G3BP2: variants seen among roughly 807,000 people sequenced by gnomAD.
G3BP2 encodes ras GTPase-activating protein-binding protein 2.
Under a neutral mutation model 56.7 loss-of-function variants are expected in G3BP2, and 11 were observed. The observed-to-expected ratio is 0.19, with a 90% CI of 0.12 to 0.32. The LOEUF (loss-of-function observed/expected upper bound fraction) is 0.32, where lower values mean the gene tolerates loss of function less well. G3BP2 is among the 10% of genes least tolerant of loss of function. The pLI, the probability that G3BP2 is intolerant of heterozygous loss-of-function variation, is 1.00. For missense variants in G3BP2, 340 were observed against 610.9 expected, an observed-to-expected ratio of 0.56 and a Z score of 4.67; for synonymous variants, 165 against 191.6, an observed-to-expected ratio of 0.86 and a Z score of 1.15.
chr4:75,720,782 C>T (rs991451254), intron 3 of G3BP2, among the ~76,000 whole-genome samples: 4 of 147,006 alleles, frequency 2.7e-5, no homozygotes, highest in African/African-American at 5.0e-5. Context: ...GGTGACAGAG[C>T]GAGGCTCCAT....
chr4:75,693,475 G>GT (rs888394327), intron 3 of G3BP2, among the ~76,000 whole-genome samples: 5 of 150,766 alleles, frequency 3.3e-5, no homozygotes, highest in South Asian at 2.1e-4. Context: ...AGGTATCTGA[G>GT]TTTTTTTTGT....
intron 3 of G3BP2, among the ~76,000 whole-genome samples, chr4:75,701,588 C>T (rs1719346972): frequency 6.6e-6 from 1 of 152,076 alleles, no homozygotes; most frequent in Admixed American, 6.6e-5. Flanking sequence ...ACCACCATGC[C>T]CGGCTAATTT....
chr4:75,682,764 G>A (rs1352692094), intron 3 of G3BP2, among the ~76,000 whole-genome samples: 4 of 151,364 alleles, frequency 2.6e-5, no homozygotes, highest in Admixed American at 1.3e-4. Flanking sequence ...GGCAGATCAC[G>A]AGGTCAGGAG....
chr4:75,684,453 A>C (rs914438649), intron 3 of G3BP2, among the ~76,000 whole-genome samples: 1 of 151,844 alleles, frequency 6.6e-6, no homozygotes, highest in Non-Finnish European at 1.5e-5. Flanking sequence ...CATAAATAAA[A>C]AAATAAAAAA....
At chr4:75,694,664 C>A in intron 3 of G3BP2, 1 of 505,218 alleles carries the variant, frequency 2.0e-6, no homozygotes, top group Non-Finnish European at 2.6e-6. Context: ...CTTGAATCCG[C>A]GAGGCGGCGG....
intron 1 of G3BP2, among the ~76,000 whole-genome samples, chr4:75,668,295 C>T (rs1733217712): frequency 6.6e-6 from 1 of 152,182 alleles, no homozygotes; most frequent in African/African-American, 2.4e-5. Context: ...ACTCTCCTTT[C>T]CTCAAACTTT....
chr4:75,692,668 G>A (rs1718914728), intron 3 of G3BP2, among the ~76,000 whole-genome samples: 1 of 152,164 alleles, frequency 6.6e-6, no homozygotes, highest in African/African-American at 2.4e-5. Context: ...CTGCTGAAAA[G>A]CCAAGCATGC....
intron 1 of G3BP2, chr4:75,672,993 TTCCCAGGCGGCC>T: frequency 1.0e-6 from 1 of 985,792 alleles, no homozygotes; most frequent in Middle Eastern, 5.2e-4. Context: ...GTCACCTCCC[TTCCCAGGCGGCC>T]TCCCACCCCT....
chr4:75,693,484 GT>G lies in G3BP2; in HGVS notation c.-25+27392del, dbSNP rs1055506845. 8.5e-3 allele frequency among the ~76,000 whole-genome samples: 1,218 copies of G among 143,176 alleles called. 20 individuals carry two copies. Among genetic ancestry groups the G allele is most frequent in the African/African-American group, 0.029 (1,130 of 39,218 alleles). 93.9% of individuals were successfully genotyped at this position (143,176 alleles called of 152,430 possible). A position where few individuals can be genotyped will look rare whatever the true frequency, so the allele number is the denominator to read the frequency against. On this transcript the variant is annotated intron_variant, in intron 3 of 3. Transcript: ENST00000499709. ...CTCTCCAGGTATCTGAGTTTTTTTT[GT>G]TTTTTTTTTTAAGAGTTGGAGTCTG...
intron 1 of G3BP2, among the ~76,000 whole-genome samples, chr4:75,723,876 G>A (rs1720283128): frequency 6.7e-6 from 1 of 148,344 alleles, no homozygotes; most frequent in African/African-American, 2.6e-5. Context: ...ATACCAATTA[G>A]AGAAAATGAC....
At chr4:75,696,005 T>G (rs1323080016) in intron 3 of G3BP2, among the ~76,000 whole-genome samples, 3 of 109,834 alleles carry the variant, frequency 2.7e-5, no homozygotes, top group African/African-American at 3.4e-5. Context: ...AAAAAAAGAG[T>G]TAACAGAAAA....
At chr4:75,683,098 G>A (rs540233977) in intron 3 of G3BP2, among the ~76,000 whole-genome samples, 4 of 152,182 alleles carry the variant, frequency 2.6e-5, no homozygotes, top group African/African-American at 7.2e-5. Context: ...TGCAGGGTCC[G>A]CATCAGCTCT....
chr4:75,665,142 A>T (rs1238578525), intron 1 of G3BP2, among the ~76,000 whole-genome samples: 2 of 152,232 alleles, frequency 1.3e-5, no homozygotes, highest in African/African-American at 4.8e-5. Flanking sequence ...TTACAGATAG[A>T]GTGTAGCTTT....
intron 9 of G3BP2, 114 bp from the exon 10 acceptor site, chr4:75,647,271 T>A: frequency 1.5e-6 from 1 of 656,694 alleles, no homozygotes; most frequent in Non-Finnish European, 2.5e-6. Flanking sequence ...TTAATAAGAC[T>A]AGGTGAGCTT....
intron 3 of G3BP2, among the ~76,000 whole-genome samples, chr4:75,695,888 C>T (rs1272297486): frequency 6.6e-6 from 1 of 150,648 alleles, no homozygotes; most frequent in African/African-American, 2.4e-5. Context: ...GCAGGAGAAT[C>T]GCTTGAACCT....
At chr4:75,647,595 A>C (rs2148946182) in intron 9 of G3BP2, among the ~76,000 whole-genome samples, 1 of 152,338 alleles carries the variant, frequency 6.6e-6, no homozygotes, top group Non-Finnish European at 1.5e-5. Context: ...ACATTTATGC[A>C]GTCTATACAT....
chr4:75,674,274 T>A (rs1303760983), upstream of G3BP2, among the ~76,000 whole-genome samples: 2 of 152,088 alleles, frequency 1.3e-5, no homozygotes, highest in Admixed American at 1.3e-4. Context: ...TGAGGAAGTG[T>A]TCAAAGAAAC....
Position 75,645,463 on chromosome 4 carries a change from T to C in G3BP2, c.1416A>G (p.Gln472=), listed in dbSNP as rs529840020. The change falls in exon 12 of 12, where the codon CAA becomes CAG. Residue 472 remains glutamine, a synonymous_variant. Coordinates refer to ENST00000359707, the MANE Select transcript of G3BP2 (RefSeq NM_203505.3). ...GCTGTCCTGTGAAGCGGCCCTCCAT[T>C]TGCCCGGTTCCTCTTCCAGAGCCAA... is the stretch of plus-strand genomic sequence containing the variant. ...QKLGSGRGTG[Q]MEGRFTGQRR The C allele has an allele frequency of 3.1e-6, 5 of 1,613,974 alleles. No individual in the cohort carries two copies. In the East Asian group the frequency reaches 6.7e-5, roughly 22 times the overall value.
intron 3 of G3BP2, among the ~76,000 whole-genome samples, chr4:75,719,550 A>G (rs985200787): frequency 1.3e-5 from 2 of 152,058 alleles, no homozygotes; most frequent in East Asian, 3.9e-4. Flanking sequence ...TCTGGGCTCT[A>G]TAGCATGTGA....
Sources: gnomAD v4.1 joint callset for allele counts (sites outside exome capture counted in the v4.1 genomes callset) on GRCh38, gnomAD v4.1.1 for gene constraint, MANE v1.5 for transcripts, NCBI Gene and HGNC (gene_info 2026-07-23, HGNC 2026-07-21) for gene names.